Variants in HNRNPLL observed in about 807,000 individuals in gnomAD.
HNRNPLL encodes the protein heterogeneous nuclear ribonucleoprotein L like, also known as heterogeneous nuclear ribonucleoprotein L-like.
Under a neutral mutation model 67.1 loss-of-function variants are expected in HNRNPLL, and 25 were observed. That is an observed-to-expected ratio of 0.37 (90% CI 0.27 to 0.52). The LOEUF is 0.52. Among genes scored for constraint, HNRNPLL ranks in the 20% least tolerant of loss-of-function variants. The pLI is 0.90. For missense variants in HNRNPLL, 542 were observed against 673.9 expected, an observed-to-expected ratio of 0.80 and a Z score of 2.17; for synonymous variants, 267 against 241.7, an observed-to-expected ratio of 1.10 and a Z score of -0.97.
In HNRNPLL at chr2:38,591,620, G is replaced by C; in HGVS notation, c.218C>G (p.Ser73Cys). The C allele has an allele frequency of 6.2e-7, 1 of 1,612,868 alleles. No individual in the cohort carries two copies. The highest frequency in any genetic ancestry group is 8.5e-7 in the Non-Finnish European group (1 of 1,178,920). Residue 73 changes from serine (S) to cysteine (C), a missense_variant, in exon 2 of 13, where the codon TCT becomes TGT. Ser to Cys is a moderately radical substitution (Grantham distance 112, BLOSUM62 -1). This residue lies in a region of HNRNPLL where 415 missense variants were observed against 575.2 expected (regional missense o/e 0.72). Coordinates refer to ENST00000449105, the MANE Select transcript of HNRNPLL (RefSeq NM_138394.4). Reference sequence around the variant, plus strand: ...TCGAACATGGACGACGGGTGAAACAGAAACTTTATGATGACTTCCACCTGC... The same window carrying C: ...TCGAACATGGACGACGGGTGAAACACAAACTTTATGATGACTTCCACCTGC... ...PEAGGSHHKV[S>C]VSPVVHVRGL...
chr2:38,599,767 T>C, intron 1 of HNRNPLL: 1 of 378,688 alleles, frequency 2.6e-6, no homozygotes, highest in Non-Finnish European at 5.4e-6. Flanking sequence ...CCTCTTTAAA[T>C]GTAGTCAATA....
At chr2:38,579,252 G>A (rs549900646) in intron 6 of HNRNPLL, among the ~76,000 whole-genome samples, 11 of 152,036 alleles carry the variant, frequency 7.2e-5, no homozygotes, top group Admixed American at 2.0e-4. Context: ...AGGAGTTAGA[G>A]TAGATTATCT....
At chr2:38,595,649 G>C (rs1022617140) in intron 1 of HNRNPLL, among the ~76,000 whole-genome samples, 5 of 152,154 alleles carry the variant, frequency 3.3e-5, no homozygotes, top group African/African-American at 1.2e-4. Flanking sequence ...TTTGAGATCA[G>C]CCTGGCCAAC....
chr2:38,581,054 G>C (rs1052983592), intron 6 of HNRNPLL: 6 of 152,150 alleles, frequency 3.9e-5, no homozygotes, highest in African/African-American at 1.4e-4. Flanking sequence ...AATTTAAAAA[G>C]TAAACAATGC....
At chr2:38,564,973 G>A (rs2148331115) in intron 12 of HNRNPLL, among the ~76,000 whole-genome samples, 1 of 150,466 alleles carries the variant, frequency 6.6e-6, no homozygotes, top group African/African-American at 2.4e-5. Flanking sequence ...TCATCAATGG[G>A]GTACATAAGT....
rs151302863 is a variant in HNRNPLL at position 38,583,786 on chromosome 2, A to G, written c.632+55T>C. The G allele has an allele frequency of 7.9e-3, 6,602 of 839,020 alleles. 187 individuals carry two copies. The highest frequency in any genetic ancestry group is 0.068 in the South Asian group (3,995 of 58,690). The allele number at this position is 839,020 out of a possible 1,614,324, so 52.0% of individuals were successfully genotyped here. On this transcript the variant is annotated intron_variant, in intron 4 of 12. Coordinates refer to ENST00000449105, the MANE Select transcript of HNRNPLL (RefSeq NM_138394.4). ...CTTGTCTAGAAATGCTTAAGCCAGA[A>G]AAAATAAGATCCGTATGAATTACAC...
intron 2 of HNRNPLL, among the ~76,000 whole-genome samples, chr2:38,590,607 T>C (rs566546120): frequency 3.3e-5 from 5 of 152,344 alleles, no homozygotes; most frequent in African/African-American, 1.2e-4. Flanking sequence ...TTTCTAATTA[T>C]GTTTTCACTT....
rs544402156 is a variant in HNRNPLL at position 38,571,021 on chromosome 2, G to A, written c.1093-1096C>T. ...GACGGTGCCACTGTATTCCAGCCTCGGCGATAGAACAAGACCTTGTCTCAA... is the reference window on the plus strand; with the variant it reads ...GACGGTGCCACTGTATTCCAGCCTCAGCGATAGAACAAGACCTTGTCTCAA... On this transcript the variant is annotated intron_variant, in intron 8 of 12. Transcript: ENST00000449105. 4.8e-4 allele frequency among the ~76,000 whole-genome samples: 73 copies of A among 152,102 alleles called. 1 individual carries two copies. The highest frequency in any genetic ancestry group is 3.4e-3 in the Middle Eastern group (1 of 294).
chr2:38,596,815 T>C (rs901372082), intron 1 of HNRNPLL, among the ~76,000 whole-genome samples: 3 of 152,108 alleles, frequency 2.0e-5, no homozygotes, highest in Non-Finnish European at 4.4e-5. Flanking sequence ...CTAGAAACAA[T>C]ATCCCAGCTG....
intron 1 of HNRNPLL, among the ~76,000 whole-genome samples, chr2:38,592,460 G>A (rs1667001702): frequency 6.6e-6 from 1 of 152,206 alleles, no homozygotes; most frequent in African/African-American, 2.4e-5. Flanking sequence ...TCACTTAGCA[G>A]TATTAATTCA....
At position 38,562,564 on chromosome 2, in the gene HNRNPLL, G is replaced by C. The variant is rs959522115; in HGVS notation, c.*1618C>G. 3 of 151,814 alleles carry C rather than the reference G, an allele frequency of 2.0e-5. No homozygotes were observed. The highest frequency in any genetic ancestry group is 4.4e-5 in the Non-Finnish European group (3 of 67,912). 9.4% of individuals were successfully genotyped at this position (151,814 alleles called of 1,614,324 possible). A position where few individuals can be genotyped will look rare whatever the true frequency, so the allele number is the denominator to read the frequency against. ...AAGAGGTAGAAAAGTATTTATAGGG[G>C]AAAAAAAGCTTTATTGTAAAGTTAG... On this transcript the variant is annotated 3_prime_UTR_variant, in exon 13 of 13. Transcript: ENST00000449105.
At chr2:38,598,689 A>G (rs902779924) in intron 1 of HNRNPLL, among the ~76,000 whole-genome samples, 1 of 152,206 alleles carries the variant, frequency 6.6e-6, no homozygotes, top group Admixed American at 6.5e-5. Context: ...AGGTTAAGTG[A>G]AAAAGTTTGT....
intron 1 of HNRNPLL, among the ~76,000 whole-genome samples, chr2:38,599,384 C>T (rs1338442595): frequency 6.6e-6 from 1 of 152,206 alleles, no homozygotes; most frequent in Non-Finnish European, 1.5e-5. Context: ...CTTAATATTT[C>T]CAAGTCAAGC....
At position 38,577,532 on chromosome 2, in the gene HNRNPLL, T is replaced by A; in HGVS notation, c.803A>T (p.Asp268Val). 1 of 1,601,800 alleles carries A rather than the reference T, an allele frequency of 6.2e-7. No homozygotes were observed. The highest frequency in any genetic ancestry group is 8.6e-7 in the Non-Finnish European group (1 of 1,169,182). Residue 268 changes from aspartate (D) to valine (V), a missense_variant and splice_region_variant, in exon 7 of 13, where the codon GAT (aspartate) becomes GTT (valine). Asp to Val is a radical substitution (Grantham distance 152). This residue lies in a region of HNRNPLL where 415 missense variants were observed against 575.2 expected (regional missense o/e 0.72). Transcript: ENST00000449105. Reference sequence around the variant, plus strand: ...TTGTCTCTGGCGACCCTTTCCTCTATCTGACACAAAAGTAGAAACATGGTT... The same window carrying A: ...TTGTCTCTGGCGACCCTTTCCTCTAACTGACACAAAAGTAGAAACATGGTT... ...DYTKPYLGRR[D>V]RGKGRQRQAI...
chr2:38,591,990 A>C (rs1057338356), intron 1 of HNRNPLL, among the ~76,000 whole-genome samples: 2 of 152,178 alleles, frequency 1.3e-5, no homozygotes, highest in African/African-American at 4.8e-5. Context: ...AAAACAAAAA[A>C]AATTTAAGTC....
rs1665975672 is a variant in HNRNPLL at position 38,569,125 on chromosome 2, G to C, written c.1416+8C>G. ...ACATTCTATACACATTTGTATTTCA[G>C]TGCCTACCTTTGTGAAGGTCTCTTC... On this transcript the variant is annotated splice_region_variant and intron_variant, in intron 10 of 12. Coordinates refer to ENST00000449105, the MANE Select transcript of HNRNPLL (RefSeq NM_138394.4). The C allele has an allele frequency of 6.4e-7, 1 of 1,563,418 alleles. No individual in the cohort carries two copies. The highest frequency in any genetic ancestry group is 1.1e-5 in the South Asian group (1 of 90,076).
At chr2:38,578,615 T>G (rs1009920952) in intron 6 of HNRNPLL, among the ~76,000 whole-genome samples, 12 of 152,032 alleles carry the variant, frequency 7.9e-5, no homozygotes, top group Non-Finnish European at 1.8e-4. Context: ...ATTGTGGCAT[T>G]GAAAGGGACT....
At chr2:38,598,900 C>G (rs961682716) in intron 1 of HNRNPLL, among the ~76,000 whole-genome samples, 2 of 152,256 alleles carry the variant, frequency 1.3e-5, no homozygotes, top group African/African-American at 4.8e-5. Flanking sequence ...GACACTACTG[C>G]TATGCAAGCC....
chr2:38,581,818 T>G lies in HNRNPLL; in HGVS notation c.802+95A>C, dbSNP rs144913628. ...AGCATTCATCAACAAGGTTTTCATTTGAATTAACTAGCTCATCTCAGGAAA... is the reference window on the plus strand; with the variant it reads ...AGCATTCATCAACAAGGTTTTCATTGGAATTAACTAGCTCATCTCAGGAAA... On this transcript the variant is annotated intron_variant, in intron 6 of 12. Transcript: ENST00000449105. The G allele has an allele frequency of 1.5e-4, 121 of 811,424 alleles. No homozygotes were observed. In the African/African-American group the frequency reaches 1.8e-3, roughly 12 times the overall value. 50.3% of individuals were successfully genotyped at this position (811,424 alleles called of 1,614,324 possible).
Sources: allele counts gnomAD v4.1 joint callset (sites outside exome capture counted in the v4.1 genomes callset), GRCh38; gene constraint gnomAD v4.1.1; regional missense constraint gnomAD v4.1.1; transcripts MANE v1.5; gene names NCBI Gene and HGNC (gene_info 2026-07-23, HGNC 2026-07-21).